LHCGR: variants seen among roughly 807,000 people sequenced by gnomAD.
LHCGR encodes the protein lutropin-choriogonadotropic hormone receptor.
A neutral mutation model predicts 60.7 loss-of-function variants in LHCGR; 55 were observed. The observed-to-expected ratio is 0.91, with a 90% confidence interval of 0.73 to 1.13. The LOEUF (loss-of-function observed/expected upper bound fraction) is 1.13, where lower values mean the gene tolerates loss of function less well. LHCGR is among the 50% of genes most tolerant of loss of function. LHCGR has a pLI of 0.00. For missense variants in LHCGR, 862 were observed against 836.0 expected, an observed-to-expected ratio of 1.03 and a Z score of -0.38; for synonymous variants, 337 against 316.5, an observed-to-expected ratio of 1.06 and a Z score of -0.69.
In LHCGR at chr2:48,688,801, T is replaced by C. The variant is rs772116333; in HGVS notation, c.996A>G (p.Glu332=). 8 of 1,614,008 alleles carry C rather than the reference T, an allele frequency of 5.0e-6. No individual in the cohort carries two copies. Among genetic ancestry groups the C allele is most frequent in the South Asian group, 2.2e-5 (2 of 91,078 alleles). ...AESELSGWDY[E]YGFCLPKTPR... The stretch of plus-strand genomic sequence containing the variant: ...GTGTCTTGGGTAAGCAGAAACCATA[T>C]TCATAGTCCCAGCCACTCAGTTCAC... Residue 332 remains glutamate (E), a synonymous_variant, in exon 11 of 11, where the codon GAA becomes GAG. Coordinates refer to ENST00000294954, the MANE Select transcript of LHCGR (RefSeq NM_000233.4). The surrounding 1 kb of genome is among the most constrained non-coding windows in gnomAD (Gnocchi z 5.2).
chr2:48,698,589 G>C (rs369521386), intron 9 of LHCGR, 26 bp downstream of exon 9: 6 of 1,592,728 alleles, frequency 3.8e-6, no homozygotes, highest in Non-Finnish European at 5.2e-6. Flanking sequence ...AGCTTGGGTA[G>C]GCTTTACCTT....
chr2:48,718,026 C>T (rs1446603096), intron 6 of LHCGR, among the ~76,000 whole-genome samples: 1 of 151,716 alleles, frequency 6.6e-6, no homozygotes, highest in Non-Finnish European at 1.5e-5. Flanking sequence ...AGTGGGAGAC[C>T]TCATGCTGTC....
chr2:48,710,290 G>T (rs1425557462), intron 7 of LHCGR, among the ~76,000 whole-genome samples: 3 of 152,194 alleles, frequency 2.0e-5, no homozygotes, highest in Admixed American at 6.5e-5. Context: ...TAAATCAAAA[G>T]AAATTTTTCT....
intron 3 of LHCGR, among the ~76,000 whole-genome samples, chr2:48,728,718 C>A (rs1668854640): frequency 6.6e-6 from 1 of 152,112 alleles, no homozygotes; most frequent in Non-Finnish European, 1.5e-5. Context: ...CCAACACACA[C>A]ATGCCTATCA....
intron 6 of LHCGR, chr2:48,721,638 TGATA>T (rs1668502172): frequency 2.1e-6 from 1 of 465,678 alleles, no homozygotes; most frequent in Admixed American, 2.4e-5. Flanking sequence ...TAGAATCCAG[TGATA>T]TAAAAGAGAG....
At chr2:48,728,032 G>A (rs1039652125) in intron 3 of LHCGR, among the ~76,000 whole-genome samples, 3 of 152,022 alleles carry the variant, frequency 2.0e-5, no homozygotes, top group Non-Finnish European at 4.4e-5. Context: ...TGTGGCCCAG[G>A]ATGGCTTTGA....
chr2:48,710,855 CGTTT>C (rs1384436918), intron 7 of LHCGR, among the ~76,000 whole-genome samples: 1 of 152,162 alleles, frequency 6.6e-6, no homozygotes. Flanking sequence ...TTGAATGTAT[CGTTT>C]GAAAATTTTG....
At chr2:48,732,829 C>G (rs1669056534) in intron 1 of LHCGR, 6 of 531,956 alleles carry the variant, frequency 1.1e-5, no homozygotes. Context: ...ACTCAATAAT[C>G]TCTTAGAAAT....
intron 1 of LHCGR, among the ~76,000 whole-genome samples, chr2:48,744,265 C>G (rs1669599892): frequency 6.3e-5 from 3 of 47,456 alleles, no homozygotes; most frequent in Non-Finnish European, 1.2e-4. Context: ...AATGGCCATA[C>G]TGCCCAAGGT....
chr2:48,730,232 T>C (rs1668930757), intron 2 of LHCGR, among the ~76,000 whole-genome samples: 1 of 152,252 alleles, frequency 6.6e-6, no homozygotes, highest in African/African-American at 2.4e-5. Context: ...ATTCATCTTA[T>C]TCCTACCTAT....
At chr2:48,706,346 C>G (rs1667670585) in intron 8 of LHCGR, among the ~76,000 whole-genome samples, 1 of 152,176 alleles carries the variant, frequency 6.6e-6, no homozygotes. Flanking sequence ...TCATTTCAAC[C>G]TTGGTGAATC....
At chr2:48,755,249 C>T (rs1387360833) in intron 1 of LHCGR, among the ~76,000 whole-genome samples, 2 of 151,850 alleles carry the variant, frequency 1.3e-5, no homozygotes, top group Non-Finnish European at 2.9e-5. Context: ...CCCTGAGGTT[C>T]CTGAATAGTT....
chr2:48,703,452 A>T (rs929061435), intron 8 of LHCGR, among the ~76,000 whole-genome samples: 6 of 152,090 alleles, frequency 3.9e-5, no homozygotes, highest in African/African-American at 1.4e-4. Context: ...TTTTTGTATA[A>T]GGGTTTAAGG....
At position 48,698,605 on chromosome 2, in the gene LHCGR, T is replaced by G. The variant is rs751178771; in HGVS notation, c.866+10A>C. Reference sequence around the variant, plus strand: ...GCTTGGGTAGGCTTTACCTTTTGGTTTCTACTTACTCTTTTGTTGGCAAGT... The same window carrying G: ...GCTTGGGTAGGCTTTACCTTTTGGTGTCTACTTACTCTTTTGTTGGCAAGT... On this transcript the variant is annotated intron_variant, in intron 9 of 10. Coordinates refer to ENST00000294954, the MANE Select transcript of LHCGR (RefSeq NM_000233.4). 6.2e-7 allele frequency: 1 copy of G among 1,612,926 alleles called. No homozygotes were observed. Among genetic ancestry groups the G allele is most frequent in the South Asian group, 1.1e-5 (1 of 91,050 alleles).
chr2:48,732,269 G>A (rs908381041), intron 1 of LHCGR, among the ~76,000 whole-genome samples: 6 of 152,188 alleles, frequency 3.9e-5, no homozygotes, highest in African/African-American at 1.4e-4. Flanking sequence ...GAGTGGGCAA[G>A]GATATTTCAG....
intron 1 of LHCGR, among the ~76,000 whole-genome samples, chr2:48,753,842 G>A (rs1288208040): frequency 6.6e-6 from 1 of 150,660 alleles, no homozygotes; most frequent in African/African-American, 2.4e-5. Flanking sequence ...TATTAAGAAA[G>A]CAGTAGTTTT....
intron 1 of LHCGR, among the ~76,000 whole-genome samples, chr2:48,739,477 C>A (rs1232683130): frequency 6.6e-6 from 1 of 152,106 alleles, no homozygotes; most frequent in African/African-American, 2.4e-5. Flanking sequence ...GAATACTATG[C>A]AGCCATAAAA....
chr2:48,713,596 A>C (rs1558846283), intron 7 of LHCGR, among the ~76,000 whole-genome samples: 1 of 152,180 alleles, frequency 6.6e-6, no homozygotes, highest in East Asian at 1.9e-4. Flanking sequence ...GTGGCTGACA[A>C]GACTGGTAAA....
chr2:48,752,811 C>G lies in LHCGR; in HGVS notation c.161+2700G>C, dbSNP rs141032017. On this transcript the variant is annotated intron_variant, in intron 1 of 10. Transcript: ENST00000294954. ...CCATTGAGATCTGACAATTAACATT[C>G]CTCCCTCATTCCCTGTATCTTCAGT... Among the ~76,000 whole-genome samples, 460 of 152,098 alleles carry G rather than the reference C, an allele frequency of 3.0e-3. 4 individuals are homozygous for G. Among genetic ancestry groups the G allele is most frequent in the African/African-American group, 0.011 (437 of 41,498 alleles).
Sources: allele counts gnomAD v4.1 joint callset (sites outside exome capture counted in the v4.1 genomes callset), GRCh38; gene constraint gnomAD v4.1.1; non-coding constraint Gnocchi (gnomAD v3.1); transcripts MANE v1.5; gene names NCBI Gene and HGNC (gene_info 2026-07-23, HGNC 2026-07-21).